Variants in PINX1 observed in about 807,000 individuals in gnomAD.
The protein encoded by PINX1 is PIN2/TERF1-interacting telomerase inhibitor 1.
PINX1 carries 34 observed loss-of-function variants against 25.4 expected under a neutral mutation model. The observed-to-expected ratio is 1.34, with a 90% CI of 1.02 to 1.78. PINX1 has a LOEUF of 1.78. Ranked by LOEUF, PINX1 falls within the 40% of genes most tolerant of loss-of-function variation. The probability of loss-of-function intolerance (pLI) is 0.00; values close to 1 mark genes in which losing one functional copy is unlikely to be tolerated. For missense variants in PINX1, 592 were observed against 404.9 expected (o/e 1.46, Z -3.97); for synonymous variants, 197 against 147.7 (o/e 1.33, Z -2.42).
At chr8:10,799,052 T>C (rs1181892902) in intron 6 of PINX1, among the ~76,000 whole-genome samples, 1 of 152,218 alleles carries the variant, frequency 6.6e-6, no homozygotes, top group Non-Finnish European at 1.5e-5. Flanking sequence ...CCCTTCCTAC[T>C]TTCTTGGGAA....
In PINX1 at chr8:10,834,756, C is replaced by A. The variant is rs530863570; in HGVS notation, c.39G>T (p.Trp13Cys). Reference protein sequence around the residue: ...MLAERRRKQKWAVDPQNTAWS... With the variant: ...MLAERRRKQKCAVDPQNTAWS... ...AGGCAGTGTTCTGAGGATCCACAGCCCACTTCTGCTTCCGCCGACCTGTAA... is the reference window on the plus strand; with the variant it reads ...AGGCAGTGTTCTGAGGATCCACAGCACACTTCTGCTTCCGCCGACCTGTAA... The change falls in exon 2 of 7, where the codon TGG (tryptophan) becomes TGT (cysteine). Residue 13 changes from tryptophan (W) to cysteine (C), a missense_variant. Coordinates refer to ENST00000314787, the MANE Select transcript of PINX1 (RefSeq NM_017884.6). The A allele has an allele frequency of 6.2e-7, 1 of 1,613,344 alleles. No homozygotes were observed. Among genetic ancestry groups the A allele is most frequent in the African/African-American group, 1.3e-5 (1 of 74,890 alleles).
At chr8:10,780,454 C>T (rs1473532987) in intron 6 of PINX1, among the ~76,000 whole-genome samples, 5 of 152,126 alleles carry the variant, frequency 3.3e-5, no homozygotes, top group Non-Finnish European at 7.4e-5. Flanking sequence ...TCTGTGTTGA[C>T]TGAGATGATC....
At chr8:10,837,141 GA>G (rs1798429437) in intron 1 of PINX1, among the ~76,000 whole-genome samples, 4 of 152,232 alleles carry the variant, frequency 2.6e-5, no homozygotes, top group Non-Finnish European at 5.9e-5. Flanking sequence ...TTATGCAAAT[GA>G]TACAGTTTAT....
At chr8:10,783,940 T>A (rs1801669941) in intron 6 of PINX1, among the ~76,000 whole-genome samples, 1 of 152,170 alleles carries the variant, frequency 6.6e-6, no homozygotes, top group Admixed American at 6.5e-5. Flanking sequence ...CACTTGTAAC[T>A]TCAACTCAAA....
intron 5 of PINX1, among the ~76,000 whole-genome samples, chr8:10,822,680 G>A (rs1194580301): frequency 6.6e-6 from 1 of 152,134 alleles, no homozygotes; most frequent in African/African-American, 2.4e-5. Flanking sequence ...ACACATGGGA[G>A]GCAACTAAAA....
chr8:10,781,290 G>T (rs1007594387), intron 6 of PINX1, among the ~76,000 whole-genome samples: 1 of 152,134 alleles, frequency 6.6e-6, no homozygotes, highest in South Asian at 2.1e-4. Context: ...ACTGCTTTTG[G>T]CAATAATGTG....
chr8:10,771,402 T>C (rs1359648942), intron 6 of PINX1: 2 of 152,272 alleles, frequency 1.3e-5, no homozygotes, highest in Non-Finnish European at 1.5e-5. Flanking sequence ...GACTGCTTCC[T>C]TCCACAAGTC....
chr8:10,827,348 C>T (rs569540224), intron 4 of PINX1, among the ~76,000 whole-genome samples: 1 of 152,238 alleles, frequency 6.6e-6, no homozygotes, highest in South Asian at 2.1e-4. Flanking sequence ...AGCAGGAACA[C>T]ACCATTGAGG....
intron 6 of PINX1, among the ~76,000 whole-genome samples, chr8:10,813,400 T>C (rs1797598021): frequency 6.6e-6 from 1 of 152,160 alleles, no homozygotes; most frequent in South Asian, 2.1e-4. Flanking sequence ...CTCTTCTCAG[T>C]GATCTTCCCC....
intron 3 of PINX1, 124 bp downstream of exon 3, chr8:10,832,768 G>A (rs1402961856): frequency 3.4e-6 from 2 of 583,062 alleles, no homozygotes; most frequent in Non-Finnish European, 6.2e-6. Context: ...GTGTTCAAGA[G>A]GAAACGTGAA....
At chr8:10,832,061 T>C (rs1278315440) in intron 3 of PINX1, among the ~76,000 whole-genome samples, 1 of 152,186 alleles carries the variant, frequency 6.6e-6, no homozygotes, top group Non-Finnish European at 1.5e-5. Flanking sequence ...TAAAACATAA[T>C]GAAATGACTA....
Position 10,765,396 on chromosome 8 carries a change from A to G in PINX1, c.*5T>C, listed in dbSNP as rs769705189. 3 of 1,590,960 alleles carry G rather than the reference A, an allele frequency of 1.9e-6. No homozygotes were observed. Among genetic ancestry groups the G allele is most frequent in the East Asian group, 4.5e-5 (2 of 44,724 alleles). ...AGTGGTCGGAAGGCCCCGGCTGGGAAGGATTCATTTGGAATCTTTCTTCTT... is the reference window on the plus strand; with the variant it reads ...AGTGGTCGGAAGGCCCCGGCTGGGAGGGATTCATTTGGAATCTTTCTTCTT... On this transcript the variant is annotated 3_prime_UTR_variant, in exon 7 of 7. Transcript: ENST00000314787.
chr8:10,835,452 C>T (rs185008432), intron 1 of PINX1, among the ~76,000 whole-genome samples: 2 of 152,310 alleles, frequency 1.3e-5, no homozygotes, highest in Admixed American at 6.5e-5. Flanking sequence ...AGTCATTATG[C>T]TCTTGGGGAG....
chr8:10,833,126 T>A (rs1420466245), intron 2 of PINX1, 142 bp from the exon 3 acceptor site: 3 of 563,962 alleles, frequency 5.3e-6, no homozygotes, highest in Admixed American at 3.3e-5. Context: ...CAAAGCAACA[T>A]GGGGGAGGAC....
chr8:10,778,583 A>G (rs1280271356), intron 6 of PINX1, among the ~76,000 whole-genome samples: 2 of 152,220 alleles, frequency 1.3e-5, no homozygotes, highest in Non-Finnish European at 2.9e-5. Flanking sequence ...TGGTCTAAGT[A>G]AGTTTGGGAA....
intron 6 of PINX1, among the ~76,000 whole-genome samples, chr8:10,773,657 T>C (rs1467954824): frequency 6.6e-6 from 1 of 152,226 alleles, no homozygotes; most frequent in Non-Finnish European, 1.5e-5. Context: ...TGTCTTTTTA[T>C]TTTTATTTTT....
intron 6 of PINX1, among the ~76,000 whole-genome samples, chr8:10,803,587 A>C (rs930755301): frequency 6.6e-6 from 1 of 152,060 alleles, no homozygotes; most frequent in Non-Finnish European, 1.5e-5. Context: ...TTTCCTTCTA[A>C]GATTGCATCT....
rs145678613 is a variant in PINX1 at position 10,833,797 on chromosome 8, G to A, written c.130-813C>T. The A allele has an allele frequency of 1.1e-3, 185 of 161,750 alleles. 2 individuals carry two copies. The highest frequency in any genetic ancestry group is 1.8e-3 in the Non-Finnish European group (133 of 72,478). The allele number at this position is 161,750 out of a possible 1,614,324, so 10.0% of individuals were successfully genotyped here. A position where few individuals can be genotyped will look rare whatever the true frequency, so the allele number is the denominator to read the frequency against. On this transcript the variant is annotated intron_variant, in intron 2 of 6. Transcript: ENST00000314787. ...GACGACTGGGCTGCGGGAGGCAAGA[G>A]GGCGGAGGAATCAAGCATGACTGTC...
intron 6 of PINX1, among the ~76,000 whole-genome samples, chr8:10,810,299 G>C (rs1351617113): frequency 6.6e-6 from 1 of 152,152 alleles, no homozygotes; most frequent in African/African-American, 2.4e-5. Flanking sequence ...CTTCCACATT[G>C]CTAGTTATAT....
Sources: allele counts gnomAD v4.1 joint callset (sites outside exome capture counted in the v4.1 genomes callset), GRCh38; gene constraint gnomAD v4.1.1; transcripts MANE v1.5; gene names NCBI Gene and HGNC (gene_info 2026-07-23, HGNC 2026-07-21).